The following EBF2 variants were observed in gnomAD, a reference collection of about 807,000 sequenced individuals.
EBF2 encodes EBF transcription factor 2.
Under a neutral mutation model 72.8 loss-of-function variants are expected in EBF2, and 21 were observed. The ratio of observed to expected loss-of-function variants is 0.29; its 90% CI spans 0.20 to 0.42. EBF2 has a LOEUF of 0.42. Among genes scored for constraint, EBF2 ranks in the 10% least tolerant of loss-of-function variants. The probability of loss-of-function intolerance (pLI) is 1.00; values close to 1 mark genes in which losing one functional copy is unlikely to be tolerated. For synonymous variants in EBF2, 299 were observed against 274.2 expected (o/e 1.09, Z -0.89); for missense variants, 637 against 731.2 (o/e 0.87, Z 1.49).
At chr8:25,962,032 TTATTAG>T (rs1229867662) in intron 6 of EBF2, among the ~76,000 whole-genome samples, 1 of 152,194 alleles carries the variant, frequency 6.6e-6, no homozygotes, top group Non-Finnish European at 1.5e-5. Flanking sequence ...GAATACATAT[TTATTAG>T]AGTAGCCTAA....
At chr8:26,023,053 T>C (rs1421688283) in intron 6 of EBF2, among the ~76,000 whole-genome samples, 1 of 152,208 alleles carries the variant, frequency 6.6e-6, no homozygotes, top group Non-Finnish European at 1.5e-5. Context: ...CTTCCTTCTC[T>C]CCTTGGTATA....
At chr8:25,907,419 CAAAAAAAAAAAA>C (rs55695734) in intron 7 of EBF2, among the ~76,000 whole-genome samples, 465 of 28,942 alleles carry the variant, frequency 0.016, 25 homozygotes, top group Admixed American at 0.14. Context: ...GACCCTGCCT[CAAAAAAAAAAAA>C]AAAAAAAAAA....
chr8:25,999,335 T>C (rs1020920651), intron 6 of EBF2, among the ~76,000 whole-genome samples: 1 of 152,186 alleles, frequency 6.6e-6, no homozygotes, highest in East Asian at 1.9e-4. Flanking sequence ...CCAATGAAGA[T>C]ATAAATAAAT....
intron 15 of EBF2, 78 bp downstream of exon 15, chr8:25,850,516 T>C: frequency 7.0e-7 from 1 of 1,423,892 alleles, no homozygotes; most frequent in Non-Finnish European, 9.3e-7. Flanking sequence ...GCTGGAGCTA[T>C]ACAATGATGT....
chr8:26,019,445 C>A (rs1466652576), intron 6 of EBF2, among the ~76,000 whole-genome samples: 1 of 152,242 alleles, frequency 6.6e-6, no homozygotes, highest in Non-Finnish European at 1.5e-5. Flanking sequence ...ACTTCTGCTT[C>A]TTCCTCCTTG....
intron 7 of EBF2, among the ~76,000 whole-genome samples, chr8:25,905,019 T>TA (rs1183349255): frequency 2.0e-5 from 3 of 151,990 alleles, no homozygotes; most frequent in Non-Finnish European, 2.9e-5. Flanking sequence ...ATAATGCAAC[T>TA]AAAAAATGGG....
chr8:25,985,139 A>AT (rs1345389822), intron 6 of EBF2, among the ~76,000 whole-genome samples: 1 of 152,208 alleles, frequency 6.6e-6, no homozygotes, highest in Non-Finnish European at 1.5e-5. Flanking sequence ...ATTAACCAGG[A>AT]TAACTCAAGC....
intron 7 of EBF2, among the ~76,000 whole-genome samples, chr8:25,905,380 CTG>C (rs1188199870): frequency 6.6e-6 from 1 of 152,146 alleles, no homozygotes; most frequent in African/African-American, 2.4e-5. Context: ...CACAGTGAAA[CTG>C]TGCACAAATA....
intron 7 of EBF2, among the ~76,000 whole-genome samples, chr8:25,899,401 G>C (rs117177182): frequency 6.6e-6 from 1 of 152,078 alleles, no homozygotes; most frequent in African/African-American, 2.4e-5. Flanking sequence ...GTAGCACTCC[G>C]GATTTCAAAT....
In EBF2 at chr8:25,877,302, C is replaced by T. The variant is rs188983459; in HGVS notation, c.1009+9453G>A. Among the ~76,000 whole-genome samples, 75 of 152,262 alleles carry T rather than the reference C, an allele frequency of 4.9e-4. 1 individual carries two copies. The highest frequency in any genetic ancestry group is 7.9e-4 in the Non-Finnish European group (54 of 68,026). On this transcript the variant is annotated intron_variant, in intron 10 of 15. Coordinates refer to ENST00000520164, the MANE Select transcript of EBF2 (RefSeq NM_022659.4). Reference sequence around the variant, plus strand: ...ATTGCCAGTTCTCTCTGGAAGTCTGCGCGGAAGACAGAGGATCTCTTCTCC... The same window carrying T: ...ATTGCCAGTTCTCTCTGGAAGTCTGTGCGGAAGACAGAGGATCTCTTCTCC...
intron 6 of EBF2, among the ~76,000 whole-genome samples, chr8:25,917,444 A>T (rs1268587418): frequency 1.3e-5 from 2 of 152,162 alleles, no homozygotes; most frequent in East Asian, 3.9e-4. Context: ...ATGTCTTTGG[A>T]GGGCTCTTTG....
chr8:25,854,799 G>C (rs1802051764), intron 14 of EBF2, among the ~76,000 whole-genome samples: 1 of 151,976 alleles, frequency 6.6e-6, no homozygotes, highest in African/African-American at 2.4e-5. Context: ...TTTTACAATA[G>C]AGAATGTCTT....
chr8:25,991,015 G>A (rs1804533899), intron 6 of EBF2, among the ~76,000 whole-genome samples: 1 of 152,132 alleles, frequency 6.6e-6, no homozygotes, highest in South Asian at 2.1e-4. Context: ...TCTGGGAAAA[G>A]GATATCCCTC....
intron 6 of EBF2, among the ~76,000 whole-genome samples, chr8:25,980,931 G>C (rs1255823236): frequency 6.7e-6 from 1 of 148,180 alleles, no homozygotes; most frequent in Non-Finnish European, 1.5e-5. Flanking sequence ...GAGTAACTGT[G>C]ACCTGTCCTG....
In EBF2 at chr8:25,928,413, G is replaced by A. The variant is rs187174736; in HGVS notation, c.552-19858C>T. 9.7e-4 allele frequency among the ~76,000 whole-genome samples: 148 copies of A among 152,112 alleles called. 1 individual carries two copies. Among genetic ancestry groups the A allele is most frequent in the Non-Finnish European group, 5.7e-4 (39 of 67,992 alleles). On this transcript the variant is annotated intron_variant, in intron 6 of 15. Transcript: ENST00000520164. ...TCATTCCCTGTCCTCTTCTCCCCAC[G>A]ACCATTCCTGCCCCAACTTGGCCCA... is the stretch of plus-strand genomic sequence containing the variant.
intron 6 of EBF2, among the ~76,000 whole-genome samples, chr8:25,908,963 G>A (rs1031830252): frequency 6.6e-6 from 1 of 152,148 alleles, no homozygotes; most frequent in Non-Finnish European, 1.5e-5. Context: ...TCTCGTCTGT[G>A]TGGCTCTCCA....
intron 1 of EBF2, among the ~76,000 whole-genome samples, chr8:26,043,036 C>T (rs1267882589): frequency 6.6e-6 from 1 of 152,248 alleles, no homozygotes; most frequent in Admixed American, 6.5e-5. Context: ...AACCTCCTTT[C>T]CTGGGGCCAA....
At chr8:25,951,095 T>A (rs534436798) in intron 6 of EBF2, among the ~76,000 whole-genome samples, 1 of 152,212 alleles carries the variant, frequency 6.6e-6, no homozygotes, top group Non-Finnish European at 1.5e-5. Flanking sequence ...GAAAATTATT[T>A]GGCATTTTTA....
chr8:25,946,016 A>G (rs544333292), intron 6 of EBF2, among the ~76,000 whole-genome samples: 1 of 152,314 alleles, frequency 6.6e-6, no homozygotes, highest in East Asian at 1.9e-4. Context: ...CTGTCGGAGC[A>G]ACAGGAAGTT....
Sources: gnomAD v4.1 joint callset for allele counts (sites outside exome capture counted in the v4.1 genomes callset) on GRCh38, gnomAD v4.1.1 for gene constraint, MANE v1.5 for transcripts, NCBI Gene and HGNC (gene_info 2026-07-23, HGNC 2026-07-21) for gene names.